Variants in CLEC17A observed in about 807,000 individuals in gnomAD.
CLEC17A encodes C-type lectin domain family 17, member A.
CLEC17A carries 37 observed loss-of-function variants against 61.3 expected under a neutral mutation model. The ratio of observed to expected loss-of-function variants is 0.60; its 90% confidence interval spans 0.46 to 0.79. The LOEUF (loss-of-function observed/expected upper bound fraction) is 0.79. CLEC17A is among the 30% of genes least tolerant of loss of function. The pLI is 0.00. For missense variants in CLEC17A, 418 were observed against 464.7 expected, an observed-to-expected ratio of 0.90 and a Z score of 0.92; for synonymous variants, 168 against 164.9, an observed-to-expected ratio of 1.02 and a Z score of -0.14.
At chr19:14,582,604 A>C (rs2074195643), upstream of CLEC17A, among the ~76,000 whole-genome samples, 1 of 151,494 alleles carries the variant, frequency 6.6e-6, no homozygotes, top group South Asian at 2.1e-4. Flanking sequence ...TGTTTTTTAA[A>C]AAATTAATTT....
intron 12 of CLEC17A, among the ~76,000 whole-genome samples, chr19:14,601,330 C>T (rs150620353): frequency 2.6e-5 from 4 of 152,288 alleles, no homozygotes; most frequent in African/African-American, 7.2e-5. Context: ...CACATGTACA[C>T]GCCTATCTTT....
Position 14,594,502 on chromosome 19 carries a change from G to T in CLEC17A, c.278-15G>T. On this transcript the variant is annotated splice_polypyrimidine_tract_variant and intron_variant, in intron 4 of 13. Transcript: ENST00000417570. ...ATCCTCAGCCCAGCCCTCACCCTGA[G>T]CTTCTCTTCTCCAGGTTCAAGTGCT... 6.4e-7 allele frequency: 1 copy of T among 1,571,434 alleles called. No homozygotes were observed.
At chr19:14,599,606 A>G (rs1437224695) in intron 10 of CLEC17A, 111 bp from the exon 11 acceptor site, 2 of 778,688 alleles carry the variant, frequency 2.6e-6, no homozygotes, top group Non-Finnish European at 4.5e-6. Context: ...TGGAATGTGG[A>G]CACAGTGGGG....
intron 10 of CLEC17A, among the ~76,000 whole-genome samples, chr19:14,599,105 T>TTTTTTTTTTTC (rs2074635504): frequency 7.5e-6 from 1 of 133,952 alleles, no homozygotes. Flanking sequence ...TTTTTTTTTT[T>TTTTTTTTTTTC]GAGATGAAGT....
intron 12 of CLEC17A, among the ~76,000 whole-genome samples, chr19:14,602,711 C>A (rs1245020455): frequency 2.0e-5 from 3 of 151,568 alleles, no homozygotes; most frequent in African/African-American, 7.3e-5. Flanking sequence ...CCCTCTGTTT[C>A]ATAGCATTAT....
intron 13 of CLEC17A, among the ~76,000 whole-genome samples, chr19:14,608,705 C>T (rs569661348): frequency 6.8e-6 from 1 of 147,296 alleles, no homozygotes; most frequent in East Asian, 2.0e-4. Context: ...GCAGTCTTGA[C>T]CCAATGCAAC....
At chr19:14,593,977 A>G (rs751994941) in intron 4 of CLEC17A, among the ~76,000 whole-genome samples, 10 of 138,424 alleles carry the variant, frequency 7.2e-5, no homozygotes, top group Non-Finnish European at 1.0e-4. Flanking sequence ...ACAAACAAAC[A>G]AACAAACAAA....
intron 12 of CLEC17A, 65 bp downstream of exon 12, chr19:14,600,247 C>A (rs970428026): frequency 4.4e-5 from 69 of 1,559,706 alleles, no homozygotes; most frequent in Non-Finnish European, 5.9e-5. Flanking sequence ...CCAGGATGCA[C>A]ACATCCCTCC....
At chr19:14,600,698 C>T (rs1344188231) in intron 12 of CLEC17A, among the ~76,000 whole-genome samples, 1 of 151,162 alleles carries the variant, frequency 6.6e-6, no homozygotes, top group Non-Finnish European at 1.5e-5. Flanking sequence ...TCTCCTGCCT[C>T]AGCCTCCTGA....
Position 14,599,047 on chromosome 19 carries a change from C to CTCA in CLEC17A, c.647-669_647-667dup, listed in dbSNP as rs375878716. On this transcript the variant is annotated intron_variant, in intron 10 of 13. Coordinates refer to ENST00000417570, the MANE Select transcript of CLEC17A (RefSeq NM_001204118.2). ...CCTCCACTCTTATAGGCTTTGCCGC[C>CTCA]TCACCACAACATACTTGCCTCTGTA... is the stretch of plus-strand genomic sequence containing the variant. Among the ~76,000 whole-genome samples the CTCA allele has an allele frequency of 5.6e-4, 84 of 150,916 alleles. 2 individuals are homozygous for CTCA. Among genetic ancestry groups the CTCA allele is most frequent in the African/African-American group, 1.9e-3 (78 of 41,012 alleles).
intron 12 of CLEC17A, among the ~76,000 whole-genome samples, chr19:14,600,486 G>A (rs903450658): frequency 2.0e-5 from 3 of 152,126 alleles, no homozygotes; most frequent in Admixed American, 6.6e-5. Context: ...GTTTCAGGTT[G>A]CATTCCAAAT....
intron 10 of CLEC17A, among the ~76,000 whole-genome samples, chr19:14,599,079 CTTTTTTTTT>C (rs796835309): frequency 2.4e-3 from 138 of 56,930 alleles, no homozygotes; most frequent in Non-Finnish European, 3.8e-3. Flanking sequence ...TGTATCTTTG[CTTTTTTTTT>C]TTTTTTTTTT....
chr19:14,590,621 AGGTGATCT>A (rs1409371690), intron 3 of CLEC17A, among the ~76,000 whole-genome samples: 1 of 152,114 alleles, frequency 6.6e-6, no homozygotes, highest in African/African-American at 2.4e-5. Flanking sequence ...TCCCGACCTC[AGGTGATCT>A]GCCTGCCTCA....
At chr19:14,602,018 T>C (rs2074732339) in intron 12 of CLEC17A, among the ~76,000 whole-genome samples, 1 of 152,026 alleles carries the variant, frequency 6.6e-6, no homozygotes, top group East Asian at 1.9e-4. Flanking sequence ...GGTCTCGATC[T>C]CCTGACCTGG....
At chr19:14,604,415 A>G (rs916658627) in intron 12 of CLEC17A, among the ~76,000 whole-genome samples, 1 of 152,064 alleles carries the variant, frequency 6.6e-6, no homozygotes, top group African/African-American at 2.4e-5. Context: ...TTCTTTGACC[A>G]CAATGCTATA....
intron 3 of CLEC17A, chr19:14,588,514 A>G (rs1276481056): frequency 6.6e-6 from 1 of 152,024 alleles, no homozygotes; most frequent in Non-Finnish European, 1.5e-5. Flanking sequence ...AGCAGGGACC[A>G]CCAGGTTGCC....
chr19:14,590,386 CTTT>C (rs562645944), intron 3 of CLEC17A, among the ~76,000 whole-genome samples: 100 of 142,948 alleles, frequency 7.0e-4, no homozygotes, highest in African/African-American at 2.4e-3. Flanking sequence ...AATTTCTTTA[CTTT>C]TTTTTTTTTT....
At chr19:14,609,255 T>C in intron 13 of CLEC17A, among the ~76,000 whole-genome samples, 1 of 152,176 alleles carries the variant, frequency 6.6e-6, no homozygotes. Context: ...TGTGACAAGT[T>C]GGGATGACTC....
chr19:14,591,703 A>G (rs1252876697), intron 3 of CLEC17A, among the ~76,000 whole-genome samples: 1 of 151,668 alleles, frequency 6.6e-6, no homozygotes, highest in African/African-American at 2.4e-5. Flanking sequence ...ACAGGCTTGC[A>G]CCATCATGCC....
Sources: allele counts gnomAD v4.1 joint callset (sites outside exome capture counted in the v4.1 genomes callset), GRCh38; gene constraint gnomAD v4.1.1; transcripts MANE v1.5; gene names NCBI Gene and HGNC (gene_info 2026-07-23, HGNC 2026-07-21).